The following TAFA2 variants were observed in gnomAD, a reference collection of about 807,000 sequenced individuals.
The protein encoded by TAFA2 is chemokine-like protein TAFA-2.
A neutral mutation model predicts 18.8 loss-of-function variants in TAFA2; 7 were observed. The ratio of observed to expected loss-of-function variants is 0.37; its 90% confidence interval spans 0.21 to 0.70. TAFA2 has a LOEUF of 0.70. Ranked by LOEUF, TAFA2 falls within the 30% of genes least tolerant of loss-of-function variation. TAFA2 has a pLI of 0.53. For missense variants in TAFA2, 122 were observed against 158.1 expected (o/e 0.77, Z 1.23); for synonymous variants, 60 against 54.2 (o/e 1.11, Z -0.47).
rs551827181 is a variant in TAFA2 at position 62,061,444 on chromosome 12, A to G, written c.-2+129815T>C. Among the ~76,000 whole-genome samples, 61 of 152,350 alleles carry G rather than the reference A, an allele frequency of 4.0e-4. No individual in the cohort carries two copies. The Middle Eastern group carries it at 0.01, about 25-fold the overall frequency. Reference sequence around the variant, plus strand: ...GCCTCGGTGTGTAGTCGGCTTTACTATCGAAGTTTGTGAAATTACACTCTG... The same window carrying G: ...GCCTCGGTGTGTAGTCGGCTTTACTGTCGAAGTTTGTGAAATTACACTCTG... On this transcript the variant is annotated intron_variant, in intron 1 of 4. Coordinates refer to ENST00000416284, the MANE Select transcript of TAFA2 (RefSeq NM_178539.5).
At chr12:61,899,942 C>T (rs887111576) in intron 1 of TAFA2, among the ~76,000 whole-genome samples, 2 of 152,150 alleles carry the variant, frequency 1.3e-5, no homozygotes, top group African/African-American at 4.8e-5. Context: ...ATAGCAGACA[C>T]CTGAGCATCT....
At chr12:62,078,301 TG>T (rs1868268117) in intron 1 of TAFA2, among the ~76,000 whole-genome samples, 1 of 151,884 alleles carries the variant, frequency 6.6e-6, no homozygotes, top group African/African-American at 2.4e-5. Context: ...GTTGCTAAAG[TG>T]GGACTCTGGT....
rs1300820709 is a variant in TAFA2, at chr12:61,764,499, CAT to C, written c.107-9477_107-9476del. On this transcript the variant is annotated intron_variant, in intron 2 of 4. Transcript: ENST00000416284. ...AAGACAGATTCAGGATTGGGGCTCT[CAT>C]GTGTAGTTGTTTGTCCCTGAAGAGT... Among the ~76,000 whole-genome samples the C allele has an allele frequency of 1.8e-4, 27 of 151,988 alleles. 1 individual carries two copies. The highest frequency in any genetic ancestry group is 4.4e-5 in the Non-Finnish European group (3 of 67,952).
intron 2 of TAFA2, among the ~76,000 whole-genome samples, chr12:61,814,054 T>C (rs1360976689): frequency 2.6e-5 from 4 of 151,406 alleles, no homozygotes; most frequent in Admixed American, 2.6e-4. Context: ...ACACACTGTA[T>C]GCAAACAATA....
intron 1 of TAFA2, among the ~76,000 whole-genome samples, chr12:62,026,212 G>C (rs982321850): frequency 6.6e-6 from 1 of 152,082 alleles, no homozygotes; most frequent in African/African-American, 2.4e-5. Flanking sequence ...AAATGGAAAG[G>C]TTGCTAAGGT....
At chr12:62,159,486 TC>T in intron 1 of TAFA2, among the ~76,000 whole-genome samples, 1 of 152,282 alleles carries the variant, frequency 6.6e-6, no homozygotes, top group South Asian at 2.1e-4. Flanking sequence ...AACAGACTGT[TC>T]CTTTGAGTGT....
chr12:62,098,898 A>ATTT (rs2136845551), intron 1 of TAFA2, among the ~76,000 whole-genome samples: 1 of 152,312 alleles, frequency 6.6e-6, no homozygotes, highest in East Asian at 1.9e-4. Context: ...AGCAGCAGAA[A>ATTT]TTAAAGCCTA....
At chr12:61,899,364 C>G (rs1054123184) in intron 1 of TAFA2, among the ~76,000 whole-genome samples, 2 of 152,154 alleles carry the variant, frequency 1.3e-5, no homozygotes, top group Non-Finnish European at 2.9e-5. Flanking sequence ...ATATAAAGAA[C>G]TGCCTGAGAC....
chr12:62,234,442 G>C, intron 1 of TAFA2: 1 of 808,306 alleles, frequency 1.2e-6, no homozygotes, highest in South Asian at 1.3e-5. Context: ...TGGGTCTGAG[G>C]GTCCTGGCCA....
At chr12:61,944,643 A>C (rs1592504656) in intron 1 of TAFA2, among the ~76,000 whole-genome samples, 1 of 131,536 alleles carries the variant, frequency 7.6e-6, no homozygotes, top group Admixed American at 7.9e-5. Flanking sequence ...ATCCCACAGA[A>C]ATACAAACTA....
chr12:62,202,849 A>C (rs1207822086), intron 1 of TAFA2, among the ~76,000 whole-genome samples: 2 of 13,418 alleles, frequency 1.5e-4, no homozygotes, highest in Admixed American at 8.3e-4. Flanking sequence ...TTTTTTTTTT[A>C]GACAGTCTTG....
intron 4 of TAFA2, among the ~76,000 whole-genome samples, chr12:61,722,136 A>G (rs1869934294): frequency 6.6e-6 from 1 of 152,174 alleles, no homozygotes; most frequent in Non-Finnish European, 1.5e-5. Flanking sequence ...AGGCTCCGAC[A>G]ATAGAGGGGT....
intron 1 of TAFA2, among the ~76,000 whole-genome samples, chr12:62,100,290 C>A (rs1326679782): frequency 6.6e-6 from 1 of 152,066 alleles, no homozygotes; most frequent in Non-Finnish European, 1.5e-5. Context: ...AAAGTCAATT[C>A]CATGTTACCA....
At chr12:61,711,139 C>G (rs1456680468) in intron 4 of TAFA2, among the ~76,000 whole-genome samples, 1 of 151,780 alleles carries the variant, frequency 6.6e-6, no homozygotes, top group African/African-American at 2.4e-5. Context: ...GTCCAAAGAC[C>G]ATTTGTGTAC....
At chr12:61,749,749 A>G (rs1868919467) in intron 4 of TAFA2, among the ~76,000 whole-genome samples, 1 of 152,060 alleles carries the variant, frequency 6.6e-6, no homozygotes, top group South Asian at 2.1e-4. Flanking sequence ...AAGTCAATAG[A>G]CCTGGGACAT....
intron 1 of TAFA2, among the ~76,000 whole-genome samples, chr12:62,165,621 T>G (rs1257969772): frequency 6.6e-6 from 1 of 152,134 alleles, no homozygotes; most frequent in Non-Finnish European, 1.5e-5. Flanking sequence ...AACAGTCCCA[T>G]AATTCCTCCA....
chr12:62,036,625 T>C (rs183996509), intron 1 of TAFA2, among the ~76,000 whole-genome samples: 8 of 152,358 alleles, frequency 5.3e-5, no homozygotes, highest in Admixed American at 5.2e-4. Context: ...TTGTCAGAAT[T>C]CTAATATGCT....
chr12:62,130,121 A>C (rs1425479693), intron 1 of TAFA2, among the ~76,000 whole-genome samples: 1 of 152,006 alleles, frequency 6.6e-6, no homozygotes, highest in African/African-American at 2.4e-5. Context: ...ACAGTAAATT[A>C]TAAGACAAGG....
At chr12:61,967,203 G>A (rs1416218004) in intron 1 of TAFA2, among the ~76,000 whole-genome samples, 1 of 151,688 alleles carries the variant, frequency 6.6e-6, no homozygotes, top group Non-Finnish European at 1.5e-5. Flanking sequence ...CTGTAACCAG[G>A]CAAAAATTAA....
Sources: allele counts gnomAD v4.1 joint callset (sites outside exome capture counted in the v4.1 genomes callset), GRCh38; gene constraint gnomAD v4.1.1; transcripts MANE v1.5; gene names NCBI Gene and HGNC (gene_info 2026-07-23, HGNC 2026-07-21).